The following DNAH3 variants were observed in gnomAD, a reference collection of about 807,000 sequenced individuals.
The protein encoded by DNAH3 is axonemal beta dynein heavy chain 3.
DNAH3 carries 332 observed loss-of-function variants against 432.5 expected under a neutral mutation model. The ratio of observed to expected loss-of-function variants is 0.77; its 90% confidence interval spans 0.70 to 0.84. DNAH3 has a LOEUF of 0.84. DNAH3 is among the 40% of genes least tolerant of loss of function. The probability of loss-of-function intolerance (pLI) is 0.00; values close to 1 mark genes in which losing one functional copy is unlikely to be tolerated. For missense variants in DNAH3, 4,861 were observed against 5,114.0 expected, an observed-to-expected ratio of 0.95 and a Z score of 1.51; for synonymous variants, 1,956 against 1,900.2, an observed-to-expected ratio of 1.03 and a Z score of -0.76.
rs182912922 is a variant in DNAH3 at position 20,990,969 on chromosome 16, C to A, written c.6602-2904G>T. Among the ~76,000 whole-genome samples, 3 of 152,008 alleles carry A rather than the reference C, an allele frequency of 2.0e-5. No homozygotes were observed. The East Asian group carries it at 5.8e-4, about 29-fold the overall frequency. On this transcript the variant is annotated intron_variant, in intron 44 of 61. Coordinates refer to ENST00000261383, the Ensembl canonical transcript of DNAH3. The stretch of plus-strand genomic sequence containing the variant: ...CCGGGAGGCAGAGGTTACAGTGAGC[C>A]GAGATTGTGCCACTGCACTCCAGCC...
At chr16:21,033,624 TAGAAGCAA>T (rs2089007599) in intron 36 of DNAH3, among the ~76,000 whole-genome samples, 1 of 151,982 alleles carries the variant, frequency 6.6e-6, no homozygotes, top group Non-Finnish European at 1.5e-5. Flanking sequence ...AAGAAGAGAA[TAGAAGCAA>T]AGAAGCAAAA....
At chr16:21,033,433 C>A (rs987580685) in intron 36 of DNAH3, among the ~76,000 whole-genome samples, 1 of 152,286 alleles carries the variant, frequency 6.6e-6, no homozygotes, top group East Asian at 1.9e-4. Context: ...CATGCTGTTA[C>A]TTAATTCTCA....
chr16:21,025,435 T>G (rs1210872981), intron 38 of DNAH3, among the ~76,000 whole-genome samples: 4 of 147,906 alleles, frequency 2.7e-5, no homozygotes, highest in Non-Finnish European at 4.5e-5. Context: ...TAGTATATAG[T>G]ATAACATTAT....
exon 32 of DNAH3, chr16:21,042,042 C>A (rs766618032): frequency 6.2e-7 from 1 of 1,613,912 alleles, no homozygotes; most frequent in Non-Finnish European, 8.5e-7. Flanking sequence ...GATTGTCGGG[C>A]AGTTCAGCCC....
chr16:21,029,733 A>G (rs955822976), intron 37 of DNAH3, among the ~76,000 whole-genome samples: 2 of 152,196 alleles, frequency 1.3e-5, no homozygotes, highest in African/African-American at 2.4e-5. Flanking sequence ...AAAGATTGCT[A>G]TATTTTCCAA....
chr16:21,011,166 C>T (rs2087585051), intron 41 of DNAH3, among the ~76,000 whole-genome samples: 1 of 151,992 alleles, frequency 6.6e-6, no homozygotes, highest in South Asian at 2.1e-4. Flanking sequence ...GAGGTCACCA[C>T]AAAGTGATCT....
rs570583706 is a variant in DNAH3, at chr16:21,134,723, C to T, written c.887-269G>A. 5.3e-5 allele frequency among the ~76,000 whole-genome samples: 8 copies of T among 152,116 alleles called. No homozygotes were observed. The South Asian group carries it at 1.7e-3, about 32-fold the overall frequency. Reference sequence around the variant, plus strand: ...TGAGATGGAGTCTCGCTCTGTCGCCCAGGCTCGATTGCAATGGTTCAATCT... The same window carrying T: ...TGAGATGGAGTCTCGCTCTGTCGCCTAGGCTCGATTGCAATGGTTCAATCT... On this transcript the variant is annotated intron_variant, in intron 6 of 61. Coordinates refer to ENST00000261383, the Ensembl canonical transcript of DNAH3.
At chr16:21,138,391 G>A (rs2092672614) in intron 5 of DNAH3, among the ~76,000 whole-genome samples, 1 of 152,170 alleles carries the variant, frequency 6.6e-6, no homozygotes, top group African/African-American at 2.4e-5. Context: ...GGTGCAGGGT[G>A]GGGGTAAAAA....
At chr16:21,147,652 A>G (rs777184141) in intron 1 of DNAH3, among the ~76,000 whole-genome samples, 2 of 152,232 alleles carry the variant, frequency 1.3e-5, no homozygotes, top group Non-Finnish European at 2.9e-5. Context: ...TATTTCAACA[A>G]TGTGGGTGTT....
At chr16:21,084,447 C>G (rs2091296717) in intron 19 of DNAH3, among the ~76,000 whole-genome samples, 1 of 152,054 alleles carries the variant, frequency 6.6e-6, no homozygotes, top group Non-Finnish European at 1.5e-5. Context: ...CTTAGCTTCC[C>G]TAGCAGCTGG....
chr16:21,077,308 G>A (rs1367999993), intron 20 of DNAH3, among the ~76,000 whole-genome samples: 2 of 152,002 alleles, frequency 1.3e-5, no homozygotes, highest in African/African-American at 4.8e-5. Context: ...GATTACAGGT[G>A]CCCTCCACCA....
intron 1 of DNAH3, among the ~76,000 whole-genome samples, chr16:21,149,548 G>A (rs969301072): frequency 8.5e-5 from 13 of 152,298 alleles, no homozygotes; most frequent in East Asian, 1.9e-4. Context: ...GTCTGAGGAC[G>A]TGCTACACCA....
intron 41 of DNAH3, 125 bp from the exon 42 acceptor site, chr16:21,003,332 T>C: frequency 4.7e-6 from 3 of 631,822 alleles, no homozygotes; most frequent in South Asian, 4.1e-5. Context: ...ACTGGCATAG[T>C]TGTGGTGAAA....
intron 1 of DNAH3, chr16:21,159,302 T>G (rs1189727784): frequency 6.2e-7 from 1 of 1,600,286 alleles, no homozygotes; most frequent in Admixed American, 1.7e-5. Context: ...CTGTGCCTTC[T>G]GGGACGCGGA....
chr16:21,138,989 G>C (rs918856918), intron 5 of DNAH3, among the ~76,000 whole-genome samples: 1 of 152,172 alleles, frequency 6.6e-6, no homozygotes, highest in Non-Finnish European at 1.5e-5. Context: ...AGTAGCTATA[G>C]AGGGTTTAGC....
chr16:21,137,875 G>A (rs1448827708), intron 5 of DNAH3, among the ~76,000 whole-genome samples: 1 of 152,218 alleles, frequency 6.6e-6, no homozygotes, highest in African/African-American at 2.4e-5. Context: ...GAGTGGCTCT[G>A]GGAATGACTA....
intron 26 of DNAH3, 68 bp from the exon 27 acceptor site, chr16:21,058,264 A>G: frequency 1.1e-6 from 1 of 938,546 alleles, no homozygotes. Flanking sequence ...TTACGAAAAC[A>G]TGCCCCAACC....
intron 14 of DNAH3, among the ~76,000 whole-genome samples, chr16:21,108,106 T>A (rs1023001066): frequency 8.5e-5 from 13 of 152,100 alleles, no homozygotes; most frequent in African/African-American, 3.1e-4. Flanking sequence ...ACTCCTGACC[T>A]CATGATCCAC....
chr16:20,980,381 G>A (rs1017556830), intron 49 of DNAH3, among the ~76,000 whole-genome samples: 6 of 124,748 alleles, frequency 4.8e-5, no homozygotes, highest in South Asian at 2.8e-4. Context: ...TATGTGGGGG[G>A]GGAGAGAGAG....
Sources: allele counts gnomAD v4.1 joint callset (sites outside exome capture counted in the v4.1 genomes callset), GRCh38; gene constraint gnomAD v4.1.1; transcripts MANE v1.5; gene names NCBI Gene and HGNC (gene_info 2026-07-23, HGNC 2026-07-21).